Variants in MAPK8 observed in about 807,000 individuals in gnomAD.
The protein encoded by MAPK8 is JUN N-terminal kinase.
Under a neutral mutation model 52.9 loss-of-function variants are expected in MAPK8, and 13 were observed. The observed-to-expected ratio is 0.25, with a 90% CI of 0.16 to 0.39. The LOEUF (loss-of-function observed/expected upper bound fraction) is 0.39, where lower values mean the gene tolerates loss of function less well. MAPK8 is among the 10% of genes least tolerant of loss of function. The pLI is 1.00. For synonymous variants in MAPK8, 191 were observed against 169.8 expected, an observed-to-expected ratio of 1.12 and a Z score of -0.97; for missense variants, 300 against 519.2, an observed-to-expected ratio of 0.58 and a Z score of 4.10.
intron 1 of MAPK8, among the ~76,000 whole-genome samples, chr10:48,314,608 C>T (rs1842321222): frequency 6.6e-6 from 1 of 152,174 alleles, no homozygotes; most frequent in Non-Finnish European, 1.5e-5. Flanking sequence ...TTATGTATTG[C>T]TGAAGTGTAG....
intron 1 of MAPK8, among the ~76,000 whole-genome samples, chr10:48,369,691 G>T (rs1268409622): frequency 6.6e-6 from 1 of 152,112 alleles, no homozygotes; most frequent in Non-Finnish European, 1.5e-5. Flanking sequence ...GCAGAGGGGG[G>T]AAAATGAGCC....
intron 1 of MAPK8, among the ~76,000 whole-genome samples, chr10:48,369,763 T>C (rs1009938366): frequency 2.6e-5 from 4 of 152,112 alleles, no homozygotes; most frequent in Non-Finnish European, 2.9e-5. Context: ...GCAGTGTTTT[T>C]AGAAACCCAA....
At chr10:48,414,177 T>C (rs2042934872) in intron 5 of MAPK8, among the ~76,000 whole-genome samples, 1 of 152,074 alleles carries the variant, frequency 6.6e-6, no homozygotes, top group South Asian at 2.1e-4. Context: ...TAATATGTGA[T>C]ATTTTGTGCT....
chr10:48,311,355 A>G (rs973964893), intron 1 of MAPK8, among the ~76,000 whole-genome samples: 4 of 152,180 alleles, frequency 2.6e-5, no homozygotes, highest in African/African-American at 7.2e-5. Flanking sequence ...ATCTCATGTA[A>G]TCTGAATTGA....
intron 1 of MAPK8, among the ~76,000 whole-genome samples, chr10:48,390,774 C>T (rs1208953078): frequency 6.6e-6 from 1 of 152,124 alleles, no homozygotes; most frequent in Non-Finnish European, 1.5e-5. Context: ...GGTAAAGACA[C>T]ATGAAACAAT....
intron 1 of MAPK8, among the ~76,000 whole-genome samples, chr10:48,351,165 C>G (rs1846285359): frequency 6.6e-6 from 1 of 151,936 alleles, no homozygotes; most frequent in Admixed American, 6.6e-5. Context: ...ATAGAAGAAT[C>G]AATATCATGA....
chr10:48,363,815 C>G (rs985654289), intron 1 of MAPK8, among the ~76,000 whole-genome samples: 2 of 152,116 alleles, frequency 1.3e-5, no homozygotes, highest in African/African-American at 4.8e-5. Context: ...GAGCCCTTAC[C>G]TGAACCTAGC....
intron 3 of MAPK8, 92 bp from the exon 4 acceptor site, chr10:48,409,787 G>A (rs761196164): frequency 1.3e-4 from 101 of 802,420 alleles, no homozygotes; most frequent in Non-Finnish European, 1.9e-4. Context: ...TTAAACTGAT[G>A]GTAGTTTTTT....
chr10:48,398,338 C>A (rs1056109158), intron 1 of MAPK8, among the ~76,000 whole-genome samples: 2 of 151,852 alleles, frequency 1.3e-5, no homozygotes, highest in Non-Finnish European at 2.9e-5. Context: ...ATTACATAAA[C>A]GGCATATAAG....
rs998771884 is a variant in MAPK8 at position 48,333,492 on chromosome 10, C to A, written c.-50+26671C>A. ...CCCACCCCATATTTGAGTGAGCACT[C>A]CAAGGGCCATGCCCTAGTCTACTGT... is the stretch of plus-strand genomic sequence containing the variant. On this transcript the variant is annotated intron_variant, in intron 1 of 11. Transcript: ENST00000374189. Among the ~76,000 whole-genome samples the A allele has an allele frequency of 2.0e-4, 30 of 152,312 alleles. 1 individual carries two copies. The highest frequency in any genetic ancestry group is 1.4e-3 in the Admixed American group (22 of 15,304).
At chr10:48,365,048 T>C (rs2132564922) in intron 1 of MAPK8, among the ~76,000 whole-genome samples, 1 of 152,318 alleles carries the variant, frequency 6.6e-6, no homozygotes, top group Admixed American at 6.5e-5. Flanking sequence ...GAATGGCAAG[T>C]TATTGATGTA....
At position 48,316,625 on chromosome 10, in the gene MAPK8, A is replaced by G. The variant is rs17010226; in HGVS notation, c.-50+9804A>G. 3.3e-3 allele frequency among the ~76,000 whole-genome samples: 497 copies of G among 152,308 alleles called. 2 individuals carry two copies. The highest frequency in any genetic ancestry group is 0.011 in the African/African-American group (472 of 41,562). ...AGACAGGAGGGTCTTAAGCTTGGAA[A>G]AATGCAAAAATCAAGTCAGGAAAGC... is the stretch of plus-strand genomic sequence containing the variant. On this transcript the variant is annotated intron_variant, in intron 1 of 11. Transcript: ENST00000374189.
At chr10:48,329,540 A>G (rs1843902553) in intron 1 of MAPK8, among the ~76,000 whole-genome samples, 2 of 151,794 alleles carry the variant, frequency 1.3e-5, no homozygotes. Context: ...AAATTCATTT[A>G]GAGTATGAAT....
At chr10:48,428,067 G>A (rs1195459944) in intron 10 of MAPK8, among the ~76,000 whole-genome samples, 4 of 152,168 alleles carry the variant, frequency 2.6e-5, no homozygotes, top group Non-Finnish European at 4.4e-5. Flanking sequence ...CCAAAGAAAT[G>A]GTAGTAGTGT....
At chr10:48,309,046 T>G (rs541415310) in intron 1 of MAPK8, among the ~76,000 whole-genome samples, 172 of 152,336 alleles carry the variant, frequency 1.1e-3, no homozygotes, top group African/African-American at 3.9e-3. Flanking sequence ...ATACCAAAGT[T>G]TTATTGCTTT....
chr10:48,412,524 A>G (rs776538374), intron 5 of MAPK8, among the ~76,000 whole-genome samples: 5 of 152,168 alleles, frequency 3.3e-5, no homozygotes, highest in African/African-American at 4.8e-5. Flanking sequence ...TGGAACTCCC[A>G]TTATGCAAAG....
rs140011193 is a variant in MAPK8 at position 48,367,374 on chromosome 10, A to AAAAT, written c.-49-34212_-49-34209dup. On this transcript the variant is annotated intron_variant, in intron 1 of 11. Transcript: ENST00000374189. ...AGAGTGAGATCTTGTTTAAAAATTA[A>AAAAT]AAATAAATAAATAAATAAATAAATA... Among the ~76,000 whole-genome samples, 972 of 150,870 alleles carry AAAAT rather than the reference A, an allele frequency of 6.4e-3. 13 individuals are homozygous for AAAAT. The highest frequency in any genetic ancestry group is 0.019 in the East Asian group (96 of 5,156).
At chr10:48,347,975 G>A (rs747717372) in intron 1 of MAPK8, among the ~76,000 whole-genome samples, 2 of 152,202 alleles carry the variant, frequency 1.3e-5, no homozygotes, top group African/African-American at 4.8e-5. Context: ...ATCGCCAACT[G>A]TCTTCCACAA....
At chr10:48,306,977 A>T (rs1178145702) in intron 1 of MAPK8, 156 bp downstream of exon 1, 1 of 151,874 alleles carries the variant, frequency 6.6e-6, no homozygotes, top group South Asian at 2.0e-4. Context: ...GCGCGGGAAC[A>T]ATAGCGGCGC....
Sources: allele counts gnomAD v4.1 joint callset (sites outside exome capture counted in the v4.1 genomes callset), GRCh38; gene constraint gnomAD v4.1.1; transcripts MANE v1.5; gene names NCBI Gene and HGNC (gene_info 2026-07-23, HGNC 2026-07-21).